Variants in TCF12 observed in about 807,000 individuals in gnomAD.
TCF12 encodes DNA-binding protein HTF4.
TCF12 carries 45 observed loss-of-function variants against 86.0 expected under a neutral mutation model. The ratio of observed to expected loss-of-function variants is 0.52; its 90% CI spans 0.41 to 0.67. The LOEUF is 0.67. Among genes scored for constraint, TCF12 ranks in the 30% least tolerant of loss-of-function variants. The pLI, the probability that TCF12 is intolerant of heterozygous loss-of-function variation, is 0.00. For synonymous variants in TCF12, 330 were observed against 299.6 expected, an observed-to-expected ratio of 1.10 and a Z score of -1.05; for missense variants, 881 against 859.9, an observed-to-expected ratio of 1.02 and a Z score of -0.31.
intron 5 of TCF12, among the ~76,000 whole-genome samples, chr15:57,165,068 C>T (rs1305117288): frequency 6.6e-6 from 1 of 151,908 alleles, no homozygotes; most frequent in East Asian, 1.9e-4. Flanking sequence ...GCCTATAAAG[C>T]TGAAAGTTCG....
intron 3 of TCF12, among the ~76,000 whole-genome samples, chr15:56,999,057 G>A (rs774954065): frequency 4.6e-5 from 7 of 151,994 alleles, no homozygotes; most frequent in Non-Finnish European, 1.0e-4. Flanking sequence ...AATTAGCTGG[G>A]CGTGGTGGCG....
chr15:57,177,749 C>A (rs1567573204), intron 6 of TCF12, among the ~76,000 whole-genome samples: 1 of 151,692 alleles, frequency 6.6e-6, no homozygotes, highest in East Asian at 2.0e-4. Flanking sequence ...TGAAACAGAT[C>A]TCGCTCTGTC....
intron 3 of TCF12, among the ~76,000 whole-genome samples, chr15:57,057,634 G>A (rs1187051964): frequency 1.4e-5 from 2 of 139,222 alleles, no homozygotes; most frequent in Non-Finnish European, 3.0e-5. Flanking sequence ...GTTCAGAGAG[G>A]TGGGAGGCAG....
chr15:57,263,750 GCTGTATAC>G (rs1233205620), intron 18 of TCF12, among the ~76,000 whole-genome samples: 3 of 152,142 alleles, frequency 2.0e-5, no homozygotes, highest in African/African-American at 7.2e-5. Flanking sequence ...TTGTTCCTAG[GCTGTATAC>G]CTGTATACCA....
At chr15:57,283,153 A>G (rs1597907047) in intron 20 of TCF12, among the ~76,000 whole-genome samples, 2 of 151,772 alleles carry the variant, frequency 1.3e-5, no homozygotes, top group East Asian at 3.9e-4. Context: ...AAGTTATTAT[A>G]TATGTTAGAG....
chr15:56,954,738 C>T (rs1437511014), intron 3 of TCF12, among the ~76,000 whole-genome samples: 3 of 152,076 alleles, frequency 2.0e-5, no homozygotes, highest in African/African-American at 4.8e-5. Flanking sequence ...TAAAAACAAC[C>T]CCATCAAAAA....
At chr15:57,277,082 A>C (rs2061432433) in intron 19 of TCF12, among the ~76,000 whole-genome samples, 2 of 152,310 alleles carry the variant, frequency 1.3e-5, no homozygotes, top group Admixed American at 1.3e-4. Flanking sequence ...CTGAGATCAC[A>C]GACGTGAGCC....
intron 3 of TCF12, among the ~76,000 whole-genome samples, chr15:56,982,158 G>A (rs2062925234): frequency 6.6e-6 from 1 of 152,134 alleles, no homozygotes; most frequent in Non-Finnish European, 1.5e-5. Context: ...GACTCAGGTA[G>A]GCTTTAGAGA....
chr15:57,201,044 C>T (rs1442853079), intron 8 of TCF12, among the ~76,000 whole-genome samples: 1 of 151,798 alleles, frequency 6.6e-6, no homozygotes, highest in Non-Finnish European at 1.5e-5. Flanking sequence ...AATAAATAAC[C>T]AAAAAAGAAT....
In TCF12 at chr15:57,116,316, G is replaced by C. The variant is rs1232073935; in HGVS notation, c.325+24425G>C. ...AAGATTATGGATCTCAGAGGTTGAT[G>C]AATATTCTATTATTTTTTACTGTGG... On this transcript the variant is annotated intron_variant, in intron 5 of 20. Transcript: ENST00000333725. Among the ~76,000 whole-genome samples, 5 of 152,122 alleles carry C rather than the reference G, an allele frequency of 3.3e-5. No homozygotes were observed. In the East Asian group the frequency reaches 9.6e-4, roughly 29 times the overall value.
intron 3 of TCF12, among the ~76,000 whole-genome samples, chr15:56,986,761 C>A (rs2063197610): frequency 6.6e-6 from 1 of 151,986 alleles, no homozygotes; most frequent in South Asian, 2.1e-4. Context: ...AAACCCTAGC[C>A]CAAAATGAAT....
chr15:57,056,117 GT>G (rs2068004066), intron 3 of TCF12, among the ~76,000 whole-genome samples: 23 of 338 alleles, frequency 0.068, no homozygotes, highest in Middle Eastern at 0.5. Flanking sequence ...AGTTTTAGGG[GT>G]GTGTGTGTGT....
At chr15:57,268,685 T>C (rs192057360) in intron 18 of TCF12, among the ~76,000 whole-genome samples, 20 of 152,326 alleles carry the variant, frequency 1.3e-4, no homozygotes, top group African/African-American at 3.8e-4. Flanking sequence ...AAATAGAACT[T>C]TCTATAAGCT....
intron 3 of TCF12, among the ~76,000 whole-genome samples, chr15:56,952,367 T>G (rs977809172): frequency 1.3e-5 from 2 of 151,690 alleles, no homozygotes; most frequent in Non-Finnish European, 2.9e-5. Context: ...TTATTTTGGC[T>G]ATTCTAGGTC....
At chr15:57,247,647 C>G (rs1900173868) in intron 13 of TCF12, 2 of 777,494 alleles carry the variant, frequency 2.6e-6, no homozygotes, top group Non-Finnish European at 4.6e-6. Context: ...TCTGTTTCTT[C>G]TTTAATACCA....
chr15:57,056,047 T>C (rs1450178717), intron 3 of TCF12, among the ~76,000 whole-genome samples: 1 of 152,084 alleles, frequency 6.6e-6, no homozygotes, highest in Non-Finnish European at 1.5e-5. Flanking sequence ...CTGTTACCCC[T>C]GTTATCTCCA....
At chr15:57,081,320 T>C (rs1440747794) in intron 4 of TCF12, among the ~76,000 whole-genome samples, 1 of 152,188 alleles carries the variant, frequency 6.6e-6, no homozygotes, top group East Asian at 1.9e-4. Flanking sequence ...TGGTGGGCTC[T>C]GGACAGACAG....
chr15:57,206,847 TTGGGAGGCCAAGA>T (rs1402285454), intron 8 of TCF12, among the ~76,000 whole-genome samples: 7 of 151,206 alleles, frequency 4.6e-5, no homozygotes, highest in South Asian at 2.1e-4. Flanking sequence ...GCCCAGCAGT[TTGGGAGGCCAAGA>T]TGGGAGGAGT....
chr15:57,267,189 G>C (rs7180558), intron 18 of TCF12, among the ~76,000 whole-genome samples: 1 of 151,948 alleles, frequency 6.6e-6, no homozygotes, highest in Non-Finnish European at 1.5e-5. Flanking sequence ...GGTGCAATGA[G>C]GATGGTAGAT....
Sources: gnomAD v4.1 joint callset for allele counts (sites outside exome capture counted in the v4.1 genomes callset) on GRCh38, gnomAD v4.1.1 for gene constraint, MANE v1.5 for transcripts, NCBI Gene and HGNC (gene_info 2026-07-23, HGNC 2026-07-21) for gene names.